The following PRRC2B variants were observed in gnomAD, a reference collection of about 807,000 sequenced individuals.
PRRC2B encodes the protein proline rich coiled-coil 2B, also known as protein PRRC2B.
PRRC2B carries 68 observed loss-of-function variants against 242.3 expected under a neutral mutation model. The ratio of observed to expected loss-of-function variants is 0.28; its 90% CI spans 0.23 to 0.34. PRRC2B has a LOEUF of 0.34. Among genes scored for constraint, PRRC2B ranks in the 10% least tolerant of loss-of-function variants. PRRC2B has a pLI of 1.00. For synonymous variants in PRRC2B, 1,228 were observed against 1,173.6 expected (o/e 1.05, Z -0.95); for missense variants, 2,835 against 2,954.8 (o/e 0.96, Z 0.94).
intron 11 of PRRC2B, among the ~76,000 whole-genome samples, chr9:131,461,172 C>T (rs953315998): frequency 1.3e-5 from 2 of 152,118 alleles, no homozygotes; most frequent in Admixed American, 6.6e-5. Context: ...CATGTATGAC[C>T]AATCTCATTT....
intron 10 of PRRC2B, among the ~76,000 whole-genome samples, chr9:131,455,495 C>T: frequency 6.7e-6 from 1 of 148,682 alleles, no homozygotes; most frequent in Non-Finnish European, 1.5e-5. Flanking sequence ...TGGGAAACCT[C>T]CCTGGGTTCA....
At chr9:131,427,909 T>C (rs1180515407) in intron 1 of PRRC2B, among the ~76,000 whole-genome samples, 1 of 152,186 alleles carries the variant, frequency 6.6e-6, no homozygotes, top group Non-Finnish European at 1.5e-5. Flanking sequence ...TACAAGTGTT[T>C]TATTTTTTTG....
At chr9:131,454,892 G>T (rs1043744759) in intron 9 of PRRC2B, among the ~76,000 whole-genome samples, 184 bp from the exon 10 acceptor site, 2 of 148,656 alleles carry the variant, frequency 1.3e-5, no homozygotes, top group Non-Finnish European at 2.9e-5. Context: ...CCTCAGCCTC[G>T]CAAAGTACTG....
chr9:131,485,061 G>T lies in PRRC2B; in HGVS notation c.5679G>T (p.Gly1893=). The T allele has an allele frequency of 3.1e-6, 5 of 1,609,462 alleles. No homozygotes were observed. Among genetic ancestry groups the T allele is most frequent in the Non-Finnish European group, 4.2e-6 (5 of 1,177,866 alleles). Reference sequence around the variant, plus strand: ...CATCCTCTGTGGGTGCCTCCAGCGGGGTCAACTACAGCTCCTTCGGTGGAG... The same window carrying T: ...CATCCTCTGTGGGTGCCTCCAGCGGTGTCAACTACAGCTCCTTCGGTGGAG... ...QPPSSVGASS[G]VNYSSFGGVS... is the part of the protein sequence containing the mutation. The change falls in exon 25 of 32, where the codon GGG becomes GGT. Residue 1893 remains glycine (G), a synonymous_variant. Coordinates refer to ENST00000683519, the MANE Select transcript of PRRC2B (RefSeq NM_013318.4).
intron 1 of PRRC2B, among the ~76,000 whole-genome samples, chr9:131,420,453 T>TTTTCTTTC (rs148112779): frequency 0.015 from 889 of 60,990 alleles, 67 homozygotes; most frequent in East Asian, 0.02. Context: ...TTCTTTTTCT[T>TTTTCTTTC]TTTCTTTCTT....
chr9:131,471,089 C>G (rs1943533339), intron 14 of PRRC2B, 106 bp downstream of exon 14: 5 of 736,496 alleles, frequency 6.8e-6, no homozygotes, highest in South Asian at 5.7e-5. Context: ...TGGTCTGGCT[C>G]TTTGTCAAGT....
chr9:131,470,742 C>T (rs757590007), intron 13 of PRRC2B, 46 bp from the exon 14 acceptor site: 25 of 1,536,192 alleles, frequency 1.6e-5, no homozygotes, highest in Non-Finnish European at 2.2e-5. Flanking sequence ...GCATCTCTGT[C>T]CCTGGCCGCA....
chr9:131,447,687 C>T lies in PRRC2B; in HGVS notation c.1003C>T (p.Arg335Cys), dbSNP rs557756101. 108 of 1,609,340 alleles carry T rather than the reference C, an allele frequency of 6.7e-5. No individual in the cohort carries two copies. In the Admixed American group the frequency reaches 7.4e-4, roughly 11 times the overall value. ...DGKENRLGLS[R>C]PLRPLRQLVE... ...AAAAGAAAACAGGCTGGGATTGTCT[C>T]GCCCACTCCGCCCACTAAGGCAGCT... is the stretch of plus-strand genomic sequence containing the variant. Residue 335 changes from arginine to cysteine, a missense_variant, in exon 9 of 32, where the codon CGC becomes TGC. Physicochemically the swap from Arg to Cys is radical, Grantham distance 180. This residue lies in a region of PRRC2B where 626 missense variants were observed against 685.5 expected (regional missense o/e 0.91). Transcript: ENST00000683519.
intron 1 of PRRC2B, among the ~76,000 whole-genome samples, chr9:131,406,413 G>C (rs570136528): frequency 6.6e-6 from 1 of 152,240 alleles, no homozygotes; most frequent in South Asian, 2.1e-4. Context: ...GGAGTTTCAG[G>C]TAAATGTCTT....
Position 131,481,740 on chromosome 9 carries a change from GC to G in PRRC2B, c.4919del (p.Pro1640GlnfsTer36). 1.3e-6 allele frequency: 2 copies of G among 1,563,540 alleles called. No homozygotes were observed. Among genetic ancestry groups the G allele is most frequent in the Non-Finnish European group, 8.7e-7 (1 of 1,154,598 alleles). ...ESSSQALPVQ[A>X]PANDSWRKAV... ...TCCCCTGGCAGCTCTCCCTGTGCAG[GC>G]CCCAGCCAACGACTCCTGGAGGAAA... is the stretch of plus-strand genomic sequence containing the variant. On this transcript the variant is annotated frameshift_variant, in exon 20 of 32. Transcript: ENST00000683519. LOFTEE classifies it high-confidence loss of function.
rs781496707 is a variant in PRRC2B at position 131,475,741 on chromosome 9, C to A, written c.3612C>A (p.Ala1204=). Residue 1204 remains alanine (A), a synonymous_variant, in exon 16 of 32, where the codon GCC becomes GCA. Coordinates refer to ENST00000683519, the MANE Select transcript of PRRC2B (RefSeq NM_013318.4). ...KSRGPRAFGR[A]LPPRLSNCGY... is the part of the protein sequence containing the mutation. The stretch of plus-strand genomic sequence containing the variant: ...GAGGCCCTCGGGCCTTTGGGCGAGC[C>A]CTCCCTCCCCGGCTGAGCAATTGCG... 4.3e-6 allele frequency: 7 copies of A among 1,613,282 alleles called. No homozygotes were observed. The African/African-American group carries it at 9.3e-5, about 22-fold the overall frequency.
At chr9:131,408,473 A>G (rs1305629981) in intron 1 of PRRC2B, among the ~76,000 whole-genome samples, 1 of 152,232 alleles carries the variant, frequency 6.6e-6, no homozygotes, top group Non-Finnish European at 1.5e-5. Context: ...AGAATGAGGT[A>G]GATCACTATG....
intron 14 of PRRC2B, among the ~76,000 whole-genome samples, chr9:131,472,046 T>C (rs1298869516): frequency 6.6e-6 from 1 of 152,256 alleles, no homozygotes; most frequent in Non-Finnish European, 1.5e-5. Context: ...TTGTTCCTTT[T>C]ATCCTTATGT....
chr9:131,415,847 A>G (rs535644512), intron 1 of PRRC2B, among the ~76,000 whole-genome samples: 1 of 152,178 alleles, frequency 6.6e-6, no homozygotes, highest in South Asian at 2.1e-4. Flanking sequence ...TTTTATATCC[A>G]TTGTTCTGAG....
chr9:131,416,088 C>G (rs560288056), intron 1 of PRRC2B, among the ~76,000 whole-genome samples: 1 of 151,684 alleles, frequency 6.6e-6, no homozygotes, highest in East Asian at 1.9e-4. Context: ...CTTGCTCTTC[C>G]ACCTCTTCTT....
intron 1 of PRRC2B, among the ~76,000 whole-genome samples, chr9:131,411,944 CA>C (rs1383636470): frequency 6.6e-6 from 1 of 151,146 alleles, no homozygotes; most frequent in African/African-American, 2.4e-5. Flanking sequence ...GGGATCCAGG[CA>C]TGTGCCACCA....
intron 1 of PRRC2B, among the ~76,000 whole-genome samples, chr9:131,397,574 T>G (rs1307068864): frequency 6.8e-6 from 1 of 146,542 alleles, no homozygotes; most frequent in Non-Finnish European, 1.5e-5. Flanking sequence ...TTTTTTTTTT[T>G]TTTTTTTTTT....
At chr9:131,421,076 G>C (rs963687688) in intron 1 of PRRC2B, among the ~76,000 whole-genome samples, 2 of 152,160 alleles carry the variant, frequency 1.3e-5, no homozygotes, top group African/African-American at 4.8e-5. Context: ...TCCATGCTAC[G>C]ACGACAGCCT....
At position 131,446,721 on chromosome 9, in the gene PRRC2B, C is replaced by T. The variant is rs375886574; in HGVS notation, c.855+79C>T. 37 of 1,516,718 alleles carry T rather than the reference C, an allele frequency of 2.4e-5. No homozygotes were observed. The highest frequency in any genetic ancestry group is 3.1e-5 in the Non-Finnish European group (34 of 1,109,868). 94.0% of individuals were successfully genotyped at this position (1,516,718 alleles called of 1,614,324 possible). A position where few individuals can be genotyped will look rare whatever the true frequency, so the allele number is the denominator to read the frequency against. ...CAGATAGGTCAAGTGGTTGAATGTC[C>T]CCCTTGGGGTCTCCTCTTGGCCCTG... On this transcript the variant is annotated intron_variant, in intron 7 of 31. Coordinates refer to ENST00000683519, the MANE Select transcript of PRRC2B (RefSeq NM_013318.4). This position sits in a 1 kb window ranked among gnomAD's most constrained non-coding sequence, Gnocchi z 4.1.
Sources: gnomAD v4.1 joint callset for allele counts (sites outside exome capture counted in the v4.1 genomes callset) on GRCh38, gnomAD v4.1.1 for gene constraint, gnomAD v4.1.1 regional missense constraint, Gnocchi (gnomAD v3.1) non-coding constraint, MANE v1.5 for transcripts, NCBI Gene and HGNC (gene_info 2026-07-23, HGNC 2026-07-21) for gene names.